The following TAS2R10 variants were observed in gnomAD, a reference collection of about 807,000 sequenced individuals.
TAS2R10 encodes taste 2 receptor member 10, also known as taste receptor type 2 member 10.
For synonymous variants in TAS2R10, 144 were observed against 126.6 expected (o/e 1.14, Z -0.92); for missense variants, 385 against 362.0 (o/e 1.06, Z -0.52).
chr12:10,825,513 G>A, the TAS2R10 span: 50 of 1,613,558 alleles, frequency 3.1e-5, 1 homozygote, highest in Admixed American at 5.2e-4. Context: ...TTGTTTTCTC[G>A]CACAGTAAAA....
chr12:10,826,110 T>C, exon 1 of TAS2R10: 1 of 1,613,466 alleles, frequency 6.2e-7, no homozygotes, highest in Non-Finnish European at 8.5e-7. Flanking sequence ...AGAAAAATTC[T>C]TGAAATAGCT....
exon 1 of TAS2R10, chr12:10,825,587 A>T: frequency 1.9e-6 from 3 of 1,613,672 alleles, no homozygotes; most frequent in Non-Finnish European, 2.5e-6. Context: ...AGATATCAAA[A>T]CTTTCATTGC....
In TAS2R10 at chr12:10,825,677, A is replaced by G. The variant is rs1948859774; in HGVS notation, c.593T>C (p.Ile198Thr). ...CTGCCTGTTGTGTCTCCAAAGGGAA[A>G]TGATTAAAAAAATACATGTAATTAG... Residue 198 changes from isoleucine (I) to threonine (T), a missense_variant, in exon 1 of 1, where the codon ATT becomes ACT. Transcript: ENST00000240619. 2.5e-6 allele frequency: 4 copies of G among 1,613,592 alleles called. No individual in the cohort carries two copies. The African/African-American group carries it at 4.0e-5, about 16-fold the overall frequency.
exon 1 of TAS2R10, chr12:10,826,101 G>A (rs1206479021): frequency 1.6e-5 from 26 of 1,613,170 alleles, no homozygotes; most frequent in Non-Finnish European, 2.2e-5. Flanking sequence ...ATCCATATCA[G>A]AAAAATTCTT....
At chr12:10,826,209 C>T (rs1420887536) in exon 1 of TAS2R10, 5 of 1,613,218 alleles carry the variant, frequency 3.1e-6, no homozygotes, top group Non-Finnish European at 4.2e-6. Flanking sequence ...TTCCCCAAAA[C>T]CCCAAACACT....
chr12:10,826,253 T>C (rs2135725585), exon 1 of TAS2R10: 1 of 1,608,730 alleles, frequency 6.2e-7, no homozygotes, highest in East Asian at 2.2e-5. Context: ...GAAGATGCCT[T>C]CCACTACACG....
At chr12:10,826,236 C>T in exon 1 of TAS2R10, 1 of 1,610,634 alleles carries the variant, frequency 6.2e-7, no homozygotes, top group Non-Finnish European at 8.5e-7. Context: ...CTAACTACAA[C>T]AAAAATGAAG....
At chr12:10,826,265 A>G in exon 1 of TAS2R10, 1 of 1,598,512 alleles carries the variant, frequency 6.3e-7, no homozygotes, top group Non-Finnish European at 8.5e-7. Flanking sequence ...CACTACACGT[A>G]GCATATCTGC....
At chr12:10,826,173 T>C (rs764308764) in exon 1 of TAS2R10, 7 of 1,613,500 alleles carry the variant, frequency 4.3e-6, no homozygotes, top group Non-Finnish European at 5.9e-6. Context: ...GCACAGTCAA[T>C]GCAGTTTACA....
chr12:10,826,344 T>C, exon 1 of TAS2R10: 1 of 1,081,518 alleles, frequency 9.2e-7, no homozygotes, highest in Non-Finnish European at 1.3e-6. Flanking sequence ...ATATATTGGC[T>C]GCTCGACGGA....
At chr12:10,826,045 A>G (rs1242685864) in exon 1 of TAS2R10, 1 of 1,613,210 alleles carries the variant, frequency 6.2e-7, no homozygotes, top group South Asian at 1.1e-5. Flanking sequence ...TACCGGAGGC[A>G]TATATATTTG....
exon 1 of TAS2R10, chr12:10,825,340 A>C: frequency 6.3e-7 from 1 of 1,591,384 alleles, no homozygotes; most frequent in East Asian, 2.2e-5. Flanking sequence ...TCTCTTCCCA[A>C]GGTGTCTATG....
At chr12:10,825,795 C>T (rs1265441112) in exon 1 of TAS2R10, 2 of 1,612,866 alleles carry the variant, frequency 1.2e-6, no homozygotes, top group Non-Finnish European at 1.7e-6. Flanking sequence ...CAGACTGTGT[C>T]ATTCTTCGTT....
At position 10,825,618 on chromosome 12, in the gene TAS2R10, T is replaced by C. The variant is rs755589528; in HGVS notation, c.652A>G (p.Asn218Asp). ...ATTGCCTTCACATGAGCTTCTGTGT[T>C]GGAGTCTCTCAATCCTGTCACATTC... is the stretch of plus-strand genomic sequence containing the variant. Residue 218 changes from asparagine (N) to aspartate (D), a missense_variant, in exon 1 of 1, where the codon AAC (asparagine) becomes GAC (aspartate). Coordinates refer to ENST00000240619, the Ensembl canonical transcript of TAS2R10. The C allele has an allele frequency of 3.1e-6, 5 of 1,613,872 alleles. No homozygotes were observed. In the South Asian group the frequency reaches 4.4e-5, roughly 14 times the overall value.
At chr12:10,825,983 ATACT>A in the TAS2R10 span, 1 of 1,613,704 alleles carries the variant, frequency 6.2e-7, no homozygotes, top group East Asian at 2.2e-5. Flanking sequence ...GGCAAACCAC[ATACT>A]TGATTGATTA....
chr12:10,825,591 T>G (rs150561679), exon 1 of TAS2R10: 1 of 1,613,674 alleles, frequency 6.2e-7, no homozygotes, highest in African/African-American at 1.3e-5. Flanking sequence ...ATCAAAACTT[T>G]CATTGCCTTC....
At chr12:10,825,729 C>T (rs1948860570) in exon 1 of TAS2R10, 1 of 1,613,230 alleles carries the variant, frequency 6.2e-7, no homozygotes. Context: ...AAAATGACTC[C>T]CAGATTTAGC....
chr12:10,825,399 C>T (rs1948856659), exon 1 of TAS2R10: 7 of 1,613,282 alleles, frequency 4.3e-6, no homozygotes, highest in Middle Eastern at 1.7e-4. Context: ...TGCTGCAGTA[C>T]CCTCAAAGAG....
At chr12:10,825,641 T>C in exon 1 of TAS2R10, 1 of 1,613,796 alleles carries the variant, frequency 6.2e-7, no homozygotes, top group Non-Finnish European at 8.5e-7. Context: ...TCCTGTCACA[T>C]TCGATTGCAT....
Sources: gnomAD v4.1 joint callset for allele counts on GRCh38, gnomAD v4.1.1 for gene constraint, MANE v1.5 for transcripts, NCBI Gene and HGNC (gene_info 2026-07-23, HGNC 2026-07-21) for gene names.